Variants in KCND2 observed in about 807,000 individuals in gnomAD.
The protein encoded by KCND2 is potassium voltage-gated channel subfamily D member 2, also known as A-type voltage-gated potassium channel KCND2.
A neutral mutation model predicts 54.4 loss-of-function variants in KCND2; 16 were observed. The observed-to-expected ratio is 0.29, with a 90% confidence interval of 0.20 to 0.45. KCND2 has a LOEUF of 0.45. KCND2 is among the 20% of genes least tolerant of loss of function. The pLI, the probability that KCND2 is intolerant of heterozygous loss-of-function variation, is 1.00. For missense variants in KCND2, 486 were observed against 824.2 expected (o/e 0.59, Z 5.02); for synonymous variants, 317 against 310.7 (o/e 1.02, Z -0.21).
intron 1 of KCND2, among the ~76,000 whole-genome samples, chr7:120,669,492 A>T (rs1791966135): frequency 6.6e-6 from 1 of 152,108 alleles, no homozygotes; most frequent in Non-Finnish European, 1.5e-5. Context: ...GGATATATAT[A>T]AATATAGCTA....
chr7:120,719,501 A>G (rs1792641655), intron 1 of KCND2, among the ~76,000 whole-genome samples: 1 of 152,162 alleles, frequency 6.6e-6, no homozygotes, highest in African/African-American at 2.4e-5. Context: ...TGGAATCACT[A>G]TGTTCTTTCT....
At chr7:120,421,778 C>T (rs775244238) in intron 1 of KCND2, among the ~76,000 whole-genome samples, 7 of 152,212 alleles carry the variant, frequency 4.6e-5, no homozygotes, top group African/African-American at 4.8e-5. Context: ...AACTTTGAAT[C>T]GCTAGGCTAA....
intron 1 of KCND2, among the ~76,000 whole-genome samples, chr7:120,726,431 A>G (rs1409519247): frequency 6.6e-6 from 1 of 152,160 alleles, no homozygotes; most frequent in Non-Finnish European, 1.5e-5. Flanking sequence ...CAGAAAATCC[A>G]TGAATAACAT....
intron 1 of KCND2, among the ~76,000 whole-genome samples, chr7:120,727,413 T>C (rs2116126608): frequency 6.6e-6 from 1 of 152,364 alleles, no homozygotes; most frequent in Non-Finnish European, 1.5e-5. Flanking sequence ...GATGGATAGA[T>C]GGATGAATGG....
chr7:120,625,499 T>A (rs1054211859), intron 1 of KCND2, among the ~76,000 whole-genome samples: 1 of 152,190 alleles, frequency 6.6e-6, no homozygotes, highest in Admixed American at 6.5e-5. Context: ...TCATTTCAAT[T>A]GATTTCTTGC....
chr7:120,664,490 G>A (rs1791901619), intron 1 of KCND2, among the ~76,000 whole-genome samples: 1 of 151,774 alleles, frequency 6.6e-6, no homozygotes, highest in Admixed American at 6.6e-5. Flanking sequence ...AGGAAAAGAA[G>A]AAAGGAAGGA....
intron 1 of KCND2, among the ~76,000 whole-genome samples, chr7:120,519,294 C>T (rs1240698671): frequency 6.6e-6 from 1 of 152,084 alleles, no homozygotes; most frequent in East Asian, 1.9e-4. Context: ...TTGCAGTGAG[C>T]TGAGATCACA....
chr7:120,623,880 A>T (rs1793133361), intron 1 of KCND2, among the ~76,000 whole-genome samples: 1 of 152,180 alleles, frequency 6.6e-6, no homozygotes, highest in African/African-American at 2.4e-5. Context: ...CAAACTGTGG[A>T]TGGAGCAAAG....
intron 1 of KCND2, among the ~76,000 whole-genome samples, chr7:120,543,623 GGT>G (rs1221097245): frequency 2.4e-4 from 37 of 151,866 alleles, no homozygotes; most frequent in African/African-American, 8.7e-4. Context: ...GTCTTACTGT[GGT>G]ACAAATTATG....
In KCND2 at chr7:120,749,357, T is replaced by A. The variant is rs554815601; in HGVS notation, c.*1499T>A. The A allele has an allele frequency of 1.5e-3, 236 of 152,442 alleles. No individual in the cohort carries two copies. The highest frequency in any genetic ancestry group is 5.5e-3 in the African/African-American group (230 of 41,540). 9.4% of individuals were successfully genotyped at this position (152,442 alleles called of 1,614,324 possible). A position where few individuals can be genotyped will look rare whatever the true frequency, so the allele number is the denominator to read the frequency against. The stretch of plus-strand genomic sequence containing the variant: ...CAAAGTTGATCTCTGTACATTTAAG[T>A]GAAAAGTCTTTATAACTTTTCACCC... On this transcript the variant is annotated 3_prime_UTR_variant, in exon 6 of 6. Transcript: ENST00000331113.
chr7:120,374,451 C>A (rs573219884), intron 1 of KCND2, among the ~76,000 whole-genome samples: 1 of 151,772 alleles, frequency 6.6e-6, no homozygotes, highest in South Asian at 2.1e-4. Flanking sequence ...GGGTTAATTA[C>A]GTTTTCTGTG....
intron 2 of KCND2, among the ~76,000 whole-genome samples, chr7:120,741,047 TAAAA>T (rs74914740): frequency 1.5e-5 from 2 of 136,670 alleles, no homozygotes; most frequent in Non-Finnish European, 3.2e-5. Context: ...TAATGATTCT[TAAAA>T]AAAAAAAAAA....
intron 1 of KCND2, among the ~76,000 whole-genome samples, chr7:120,561,314 A>C (rs1584828755): frequency 6.6e-6 from 1 of 152,326 alleles, no homozygotes; most frequent in South Asian, 2.1e-4. Flanking sequence ...AAAATATGGT[A>C]AATAAAATTG....
intron 1 of KCND2, among the ~76,000 whole-genome samples, chr7:120,676,278 C>CT (rs1038061469): frequency 5.9e-5 from 9 of 151,480 alleles, no homozygotes; most frequent in Admixed American, 2.0e-4. Context: ...AGGGTGGAAT[C>CT]TTTTTTTTTA....
chr7:120,653,438 T>G (rs572679739), intron 1 of KCND2, among the ~76,000 whole-genome samples: 2 of 152,164 alleles, frequency 1.3e-5, no homozygotes, highest in African/African-American at 4.8e-5. Flanking sequence ...TCTGGGACTT[T>G]GATAAACGGC....
chr7:120,493,425 A>G (rs1802811196), intron 1 of KCND2, among the ~76,000 whole-genome samples: 1 of 152,084 alleles, frequency 6.6e-6, no homozygotes, highest in African/African-American at 2.4e-5. Flanking sequence ...CAACGAAGAA[A>G]GTAATGTCTT....
intron 1 of KCND2, among the ~76,000 whole-genome samples, chr7:120,588,789 T>G (rs1792633394): frequency 6.6e-6 from 1 of 152,194 alleles, no homozygotes; most frequent in South Asian, 2.1e-4. Flanking sequence ...ATTAATTTTA[T>G]TCCATTGCCT....
At chr7:120,515,263 C>CAAAGTATTCCT (rs1803179561) in intron 1 of KCND2, among the ~76,000 whole-genome samples, 1 of 152,070 alleles carries the variant, frequency 6.6e-6, no homozygotes, top group African/African-American at 2.4e-5. Context: ...TCCTTCATGG[C>CAAAGTATTCCT]TCAGTGGAAA....
At chr7:120,314,255 C>T (rs1434842460) in intron 1 of KCND2, among the ~76,000 whole-genome samples, 2 of 151,520 alleles carry the variant, frequency 1.3e-5, no homozygotes, top group Non-Finnish European at 2.9e-5. Flanking sequence ...ATGCATTGAA[C>T]CCGGGAGGTG....
Sources: gnomAD v4.1 joint callset for allele counts (sites outside exome capture counted in the v4.1 genomes callset) on GRCh38, gnomAD v4.1.1 for gene constraint, MANE v1.5 for transcripts, NCBI Gene and HGNC (gene_info 2026-07-23, HGNC 2026-07-21) for gene names.